Variants in MYO6 observed in about 807,000 individuals in gnomAD.
MYO6 encodes myosin VI, also known as unconventional myosin-VI.
In MYO6, 74 loss-of-function variants were observed where a neutral mutation model predicts 178.7. The observed-to-expected ratio is 0.41, with a 90% CI of 0.34 to 0.50. The LOEUF is 0.50. Ranked by LOEUF, MYO6 falls within the 20% of genes least tolerant of loss-of-function variation. MYO6 has a pLI of 0.09. For synonymous variants in MYO6, 477 were observed against 504.6 expected (o/e 0.95, Z 0.73); for missense variants, 1,330 against 1,547.4 (o/e 0.86, Z 2.36).
At chr6:75,785,344 A>G (rs1395200487) in intron 1 of MYO6, among the ~76,000 whole-genome samples, 1 of 152,192 alleles carries the variant, frequency 6.6e-6, no homozygotes, top group Non-Finnish European at 1.5e-5. Context: ...CTTTTGGAGG[A>G]AGTAGTATAG....
At chr6:75,784,550 G>A (rs1414570496) in intron 1 of MYO6, among the ~76,000 whole-genome samples, 3 of 151,710 alleles carry the variant, frequency 2.0e-5, no homozygotes, top group Non-Finnish European at 4.4e-5. Context: ...GAGGTGGGCA[G>A]ATCACTAGGT....
At chr6:75,751,275 AT>A (rs1316201637) in intron 1 of MYO6, among the ~76,000 whole-genome samples, 3 of 152,014 alleles carry the variant, frequency 2.0e-5, no homozygotes, top group Non-Finnish European at 2.9e-5. Flanking sequence ...TTTGCCCATT[AT>A]TTTTGTATTT....
chr6:75,794,457 C>T (rs1187182996), intron 1 of MYO6, among the ~76,000 whole-genome samples: 1 of 152,074 alleles, frequency 6.6e-6, no homozygotes, highest in South Asian at 2.1e-4. Context: ...TAATCAGGAA[C>T]CTAAAAGGCA....
Position 75,835,919 on chromosome 6 carries a change from T to C in MYO6, c.516T>C (p.Tyr172=), listed in dbSNP as rs745432778. ...TAAACAGATACCTGACTGAATCCTATGGAACAGGTCAAGATATTGATGACA... is the reference window on the plus strand; with the variant it reads ...TAAACAGATACCTGACTGAATCCTACGGAACAGGTCAAGATATTGATGACA... ...KFVLRYLTES[Y]GTGQDIDDRI... The change falls in exon 7 of 35, where the codon TAT becomes TAC. Residue 172 remains tyrosine (Y), a synonymous_variant. Coordinates refer to ENST00000369977, the MANE Select transcript of MYO6 (RefSeq NM_004999.4). 1.9e-6 allele frequency: 3 copies of C among 1,605,662 alleles called. No individual in the cohort carries two copies. The highest frequency in any genetic ancestry group is 1.7e-5 in the Admixed American group (1 of 59,986).
intron 14 of MYO6, among the ~76,000 whole-genome samples, chr6:75,860,761 A>G (rs1450065049): frequency 6.6e-6 from 1 of 152,088 alleles, no homozygotes; most frequent in Non-Finnish European, 1.5e-5. Context: ...AATTACACTT[A>G]TTTTCCCCAA....
At chr6:75,895,767 C>T (rs1231602340) in intron 29 of MYO6, among the ~76,000 whole-genome samples, 1 of 152,102 alleles carries the variant, frequency 6.6e-6, no homozygotes, top group East Asian at 1.9e-4. Flanking sequence ...CCACCCGCCT[C>T]GGCCTCCCAA....
At position 75,853,037 on chromosome 6, in the gene MYO6, G is replaced by A. The variant is rs72654782; in HGVS notation, c.1079-2102G>A. On this transcript the variant is annotated intron_variant, in intron 11 of 34. Coordinates refer to ENST00000369977, the MANE Select transcript of MYO6 (RefSeq NM_004999.4). ...TGTATGCTTATAGCAATCGTACAGGGTGTGACGTGTTATCTTTTTGTGGTT... is the reference window on the plus strand; with the variant it reads ...TGTATGCTTATAGCAATCGTACAGGATGTGACGTGTTATCTTTTTGTGGTT... Among the ~76,000 whole-genome samples the A allele has an allele frequency of 5.4e-4, 82 of 152,266 alleles. No individual in the cohort carries two copies. In the East Asian group the frequency reaches 0.015, roughly 29 times the overall value.
intron 33 of MYO6, among the ~76,000 whole-genome samples, chr6:75,912,749 A>T (rs145260940): frequency 1.3e-4 from 20 of 152,254 alleles, no homozygotes; most frequent in African/African-American, 4.8e-4. Flanking sequence ...TTGAAAACTT[A>T]AAAGTAGAAA....
intron 14 of MYO6, 68 bp from the exon 15 acceptor site, chr6:75,860,955 A>T: frequency 8.6e-7 from 1 of 1,167,152 alleles, no homozygotes; most frequent in Non-Finnish European, 1.3e-6. Flanking sequence ...TGTTATGTTC[A>T]GAAACAGTGC....
At position 75,892,425 on chromosome 6, in the gene MYO6, C is replaced by T. The variant is rs1037373666; in HGVS notation, c.2947-105C>T. On this transcript the variant is annotated intron_variant, in intron 27 of 34. Transcript: ENST00000369977. ...GCTTAAGCAATTCTTTAGTAAAGAA[C>T]TTGTATGGGGGCAGTTATGCTTTCC... 1.5e-5 allele frequency: 22 copies of T among 1,447,796 alleles called. No individual in the cohort carries two copies. The South Asian group carries it at 2.5e-4, about 17-fold the overall frequency. 89.7% of individuals were successfully genotyped at this position (1,447,796 alleles called of 1,614,324 possible). A position where few individuals can be genotyped will look rare whatever the true frequency, so the allele number is the denominator to read the frequency against.
At chr6:75,758,555 G>C (rs929997258) in intron 1 of MYO6, among the ~76,000 whole-genome samples, 4 of 151,900 alleles carry the variant, frequency 2.6e-5, no homozygotes, top group African/African-American at 9.7e-5. Flanking sequence ...CCGCCTCCTG[G>C]GTTCACGCCA....
intron 2 of MYO6, among the ~76,000 whole-genome samples, chr6:75,818,894 A>G (rs1306241147): frequency 3.3e-5 from 5 of 152,174 alleles, no homozygotes; most frequent in African/African-American, 7.2e-5. Context: ...GTTACTTTAC[A>G]TATTTGAAGG....
Position 75,914,958 on chromosome 6 carries a change from C to A in MYO6, c.3804C>A (p.Ser1268Arg). 6.2e-7 allele frequency: 1 copy of A among 1,613,990 alleles called. No homozygotes were observed. The highest frequency in any genetic ancestry group is 8.5e-7 in the Non-Finnish European group (1 of 1,180,010). ...GIQYLQNAIE[S>R]RQARPTYATA... The stretch of plus-strand genomic sequence containing the variant: ...AGTACCTTCAGAATGCGATTGAGAG[C>A]AGACAGGCTCGGCCCACCTATGCAA... The change falls in exon 35 of 35, where the codon AGC (serine) becomes AGA (arginine). Residue 1268 changes from serine to arginine, a missense_variant. By Grantham distance (110) the Ser-to-Arg change is moderately radical. Coordinates refer to ENST00000369977, the MANE Select transcript of MYO6 (RefSeq NM_004999.4).
At chr6:75,840,482 AT>A in intron 7 of MYO6, 102 bp from the exon 8 acceptor site, 2 of 837,088 alleles carry the variant, frequency 2.4e-6, no homozygotes, top group Non-Finnish European at 4.0e-6. Flanking sequence ...TTTTTAGAAC[AT>A]TTTTTTCTAG....
At chr6:75,786,607 T>C (rs1767589036) in intron 1 of MYO6, among the ~76,000 whole-genome samples, 1 of 152,230 alleles carries the variant, frequency 6.6e-6, no homozygotes, top group African/African-American at 2.4e-5. Context: ...ATTTTTTCTT[T>C]TCATTTTTAT....
chr6:75,801,796 C>G (rs547985169), intron 1 of MYO6, among the ~76,000 whole-genome samples: 13 of 152,110 alleles, frequency 8.5e-5, no homozygotes, highest in Non-Finnish European at 1.9e-4. Flanking sequence ...CAAAAATTAG[C>G]TGGGTGTGGT....
chr6:75,860,390 TG>T (rs1161263292), intron 14 of MYO6, among the ~76,000 whole-genome samples: 4 of 152,244 alleles, frequency 2.6e-5, no homozygotes, highest in Non-Finnish European at 5.9e-5. Context: ...TTTACCTTCA[TG>T]CCTCTAATTT....
At chr6:75,848,844 C>T (rs1774986256) in intron 11 of MYO6, among the ~76,000 whole-genome samples, 1 of 151,956 alleles carries the variant, frequency 6.6e-6, no homozygotes, top group Non-Finnish European at 1.5e-5. Flanking sequence ...TTACACTTTT[C>T]CAATAGGTGA....
chr6:75,885,874 T>G (rs1431306356), intron 23 of MYO6, 130 bp from the exon 24 acceptor site: 3 of 654,396 alleles, frequency 4.6e-6, no homozygotes, highest in African/African-American at 3.7e-5. Flanking sequence ...TTTTGATGTC[T>G]GATATATAAT....
Sources: allele counts gnomAD v4.1 joint callset (sites outside exome capture counted in the v4.1 genomes callset), GRCh38; gene constraint gnomAD v4.1.1; transcripts MANE v1.5; gene names NCBI Gene and HGNC (gene_info 2026-07-23, HGNC 2026-07-21).